The following VMA21 variants were observed in gnomAD, a reference collection of about 807,000 sequenced individuals.
VMA21 encodes vacuolar ATPase assembly integral membrane protein VMA21.
For synonymous variants in VMA21, 47 were observed against 34.1 expected, an observed-to-expected ratio of 1.38 and a Z score of -1.32; for missense variants, 61 against 80.6, an observed-to-expected ratio of 0.76 and a Z score of 0.93.
In VMA21 at chrX:151,408,517, C is replaced by T. The variant is rs191626805; in HGVS notation, c.*3459C>T. The stretch of plus-strand genomic sequence containing the variant: ...TTCAACTCTGACACAGAATTTGTCA[C>T]TTGTCTGAGGTCAGTGGCAGGTTTC... On this transcript the variant is annotated 3_prime_UTR_variant, in exon 3 of 3. Coordinates refer to ENST00000330374, the MANE Select transcript of VMA21 (RefSeq NM_001017980.4). 1 of 112,325 alleles carries T rather than the reference C, an allele frequency of 8.9e-6. No individual in the cohort carries two copies. Among genetic ancestry groups the T allele is most frequent in the Admixed American group, 9.4e-5 (1 of 10,649 alleles). The allele number at this position is 112,325 out of a possible 1,213,427, so 9.3% of individuals were successfully genotyped here. A position where few individuals can be genotyped will look rare whatever the true frequency, so the allele number is the denominator to read the frequency against.
chrX:151,398,279 G>C lies in VMA21; in HGVS notation c.53+918G>C, dbSNP rs141906535. 2.9e-5 allele frequency among the ~76,000 whole-genome samples: 3 copies of C among 105,124 alleles called. No individual in the cohort carries two copies. In the East Asian group the frequency reaches 8.9e-4, roughly 31 times the overall value. 91.3% of individuals were successfully genotyped at this position (105,124 alleles called of 115,157 possible). On this transcript the variant is annotated intron_variant, in intron 1 of 2. Transcript: ENST00000330374. ...GCATGTCACGGGGGCTTGGCGTACA[G>C]GTAATTTTGTCACCCAGGTAATAAG...
chrX:151,396,876 C>T, upstream of VMA21: 3 of 524,426 alleles, frequency 5.7e-6, no homozygotes, highest in Non-Finnish European at 1.0e-5. Flanking sequence ...GCTCAGCGAC[C>T]GAGACGCAGA....
rs1223923963 is a variant in VMA21 at position 151,408,707 on chromosome X, ATAAAT to A, written c.*3652_*3656del. The stretch of plus-strand genomic sequence containing the variant: ...TCAGGGGGAAAGGGTCACCTTAAAA[ATAAAT>A]TATTTTCAGGGACTTTGGGAATCTA... On this transcript the variant is annotated 3_prime_UTR_variant, in exon 3 of 3. Transcript: ENST00000330374. 1.8e-5 allele frequency: 2 copies of A among 112,772 alleles called. No individual in the cohort carries two copies. The highest frequency in any genetic ancestry group is 3.7e-5 in the Non-Finnish European group (2 of 53,391). 9.3% of individuals were successfully genotyped at this position (112,772 alleles called of 1,213,427 possible).
Position 151,397,297 on chromosome X carries a change from C to T in VMA21, c.-12C>T. 1.7e-6 allele frequency: 2 copies of T among 1,157,724 alleles called. No homozygotes were observed. The highest frequency in any genetic ancestry group is 1.9e-5 in the South Asian group (1 of 52,360). On this transcript the variant is annotated 5_prime_UTR_variant, in exon 1 of 3. Coordinates refer to ENST00000330374, the MANE Select transcript of VMA21 (RefSeq NM_001017980.4). ...CTCCGCCGCCGAGCGCCTGTGCCGGCACGGCTACACCATGGAGCGCCCGGA... is the reference window on the plus strand; with the variant it reads ...CTCCGCCGCCGAGCGCCTGTGCCGGTACGGCTACACCATGGAGCGCCCGGA...
chrX:151,399,683 T>G (rs1251094600), intron 1 of VMA21, among the ~76,000 whole-genome samples: 1 of 111,783 alleles, frequency 8.9e-6, no homozygotes, highest in Non-Finnish European at 1.9e-5. Context: ...TTAAGGGAGC[T>G]TATGTATATT....
intron 1 of VMA21, among the ~76,000 whole-genome samples, chrX:151,400,776 T>A (rs1476268827): frequency 1.8e-5 from 2 of 112,276 alleles, no homozygotes; most frequent in Non-Finnish European, 3.8e-5. Context: ...TGGTTTTGAT[T>A]TGCATTTCCC....
At position 151,406,471 on chromosome X, in the gene VMA21, G is replaced by A. The variant is rs2011293429; in HGVS notation, c.*1413G>A. The A allele has an allele frequency of 9.0e-6, 1 of 110,986 alleles. No individual in the cohort carries two copies. The highest frequency in any genetic ancestry group is 1.9e-5 in the Non-Finnish European group (1 of 52,963). The allele number at this position is 110,986 out of a possible 1,213,427, so 9.1% of individuals were successfully genotyped here. ...GGCTCACTGCAACCTCTGCCTCCTG[G>A]GTTCAAGTGATTCTCCACCTCAGCC... On this transcript the variant is annotated 3_prime_UTR_variant, in exon 3 of 3. Coordinates refer to ENST00000330374, the MANE Select transcript of VMA21 (RefSeq NM_001017980.4).
upstream of VMA21, chrX:151,397,111 G>GCGCGGCGCGCCGCGCCGCGC (rs1556034207): frequency 2.9e-6 from 1 of 341,161 alleles, no homozygotes; most frequent in African/African-American, 2.9e-5. Flanking sequence ...CGTCGCTGCG[G>GCGCGGCGCGCCGCGCCGCGC]CGCGCCGCGC....
Position 151,406,532 on chromosome X carries a change from C to T in VMA21, c.*1474C>T, listed in dbSNP as rs191301448. ...CTGGGACTACGGATGCCTGCCACCACGCCTGGCTAATTTTTTTTTGTATTT... is the reference window on the plus strand; with the variant it reads ...CTGGGACTACGGATGCCTGCCACCATGCCTGGCTAATTTTTTTTTGTATTT... On this transcript the variant is annotated 3_prime_UTR_variant, in exon 3 of 3. Coordinates refer to ENST00000330374, the MANE Select transcript of VMA21 (RefSeq NM_001017980.4). The T allele has an allele frequency of 3.6e-5, 4 of 110,577 alleles. No homozygotes were observed. Among genetic ancestry groups the T allele is most frequent in the African/African-American group, 6.6e-5 (2 of 30,402 alleles). The allele number at this position is 110,577 out of a possible 1,213,427, so 9.1% of individuals were successfully genotyped here.
At chrX:151,404,234 C>T (rs1476628050) in intron 2 of VMA21, among the ~76,000 whole-genome samples, 5 of 111,049 alleles carry the variant, frequency 4.5e-5, no homozygotes, top group Admixed American at 3.8e-4. Flanking sequence ...CCACTACACC[C>T]GACTGATTTT....
At chrX:151,397,030 C>G, upstream of VMA21, 1 of 505,208 alleles carries the variant, frequency 2.0e-6, no homozygotes, top group Non-Finnish European at 3.6e-6. Context: ...CCCCTCCTGG[C>G]AGGGCGCACG....
chrX:151,403,096 T>G lies in VMA21; in HGVS notation c.54-535T>G, dbSNP rs1443001309. Among the ~76,000 whole-genome samples, 6 of 111,982 alleles carry G rather than the reference T, an allele frequency of 5.4e-5. No individual in the cohort carries two copies. The South Asian group carries it at 2.3e-3, about 42-fold the overall frequency. On this transcript the variant is annotated intron_variant, in intron 1 of 2. Coordinates refer to ENST00000330374, the MANE Select transcript of VMA21 (RefSeq NM_001017980.4). ...AGGGTGCACAGGTGTGTCTGCCTCG[T>G]TAGTTCCCTGGTCCACTGTCTCATG...
chrX:151,398,321 C>CA (rs147858588), intron 1 of VMA21, among the ~76,000 whole-genome samples: 39,710 of 107,690 alleles, frequency 0.37, 6,750 homozygotes, highest in Non-Finnish European at 0.53. Flanking sequence ...ACCCGATAGG[C>CA]GTTTTTTCTG....
chrX:151,397,103 T>TCGCTGCGGCGCGCCGCGCCGCGC (rs2011196888), upstream of VMA21: 1 of 356,042 alleles, frequency 2.8e-6, no homozygotes, highest in African/African-American at 2.9e-5. Context: ...CAGCCCTGCG[T>TCGCTGCGGCGCGCCGCGCCGCGC]CGCTGCGGCG....
rs2011293734 is a variant in VMA21, at chrX:151,406,499, C to G, written c.*1441C>G. 1 of 111,166 alleles carries G rather than the reference C, an allele frequency of 9.0e-6. No individual in the cohort carries two copies. Among genetic ancestry groups the G allele is most frequent in the Admixed American group, 9.6e-5 (1 of 10,449 alleles). 9.2% of individuals were successfully genotyped at this position (111,166 alleles called of 1,213,427 possible). A position where few individuals can be genotyped will look rare whatever the true frequency, so the allele number is the denominator to read the frequency against. ...TCAAGTGATTCTCCACCTCAGCCTC[C>G]CAAGTAGCTGGGACTACGGATGCCT... is the stretch of plus-strand genomic sequence containing the variant. On this transcript the variant is annotated 3_prime_UTR_variant, in exon 3 of 3. Transcript: ENST00000330374.
At position 151,405,192 on chromosome X, in the gene VMA21, T is replaced by G; in HGVS notation, c.*134T>G. The G allele has an allele frequency of 2.6e-6, 2 of 758,322 alleles. No homozygotes were observed. The highest frequency in any genetic ancestry group is 6.3e-5 in the Admixed American group (2 of 31,866). The allele number at this position is 758,322 out of a possible 1,213,427, so 62.5% of individuals were successfully genotyped here. The stretch of plus-strand genomic sequence containing the variant: ...AAGGAGTCACGTTTGAGTATGTAAA[T>G]TTTGATCTTTCTAATATGTTGGTTT... On this transcript the variant is annotated 3_prime_UTR_variant, in exon 3 of 3. Transcript: ENST00000330374.
At chrX:151,399,335 A>AT (rs1345523979) in intron 1 of VMA21, among the ~76,000 whole-genome samples, 12 of 112,072 alleles carry the variant, frequency 1.1e-4, no homozygotes, top group Non-Finnish European at 2.1e-4. Context: ...ACTTTAAAAC[A>AT]TTTTTATGGT....
In VMA21 at chrX:151,403,746, C is replaced by A. The variant is rs755166065; in HGVS notation, c.163+6C>A. 8.7e-7 allele frequency: 1 copy of A among 1,148,752 alleles called. No individual in the cohort carries two copies. The highest frequency in any genetic ancestry group is 1.8e-5 in the South Asian group (1 of 55,577). 94.7% of individuals were successfully genotyped at this position (1,148,752 alleles called of 1,213,427 possible). ...TAAATCTTACATATTTGAAGGTAAT[C>A]TTAGACCCATTAAAACAAGATGTTT... is the stretch of plus-strand genomic sequence containing the variant. On this transcript the variant is annotated splice_donor_region_variant and intron_variant, in intron 2 of 2. Coordinates refer to ENST00000330374, the MANE Select transcript of VMA21 (RefSeq NM_001017980.4).
Position 151,405,328 on chromosome X carries a change from C to G in VMA21, c.*270C>G, listed in dbSNP as rs971436785. 7.0e-6 allele frequency: 2 copies of G among 284,512 alleles called. No individual in the cohort carries two copies. Among genetic ancestry groups the G allele is most frequent in the African/African-American group, 5.6e-5 (2 of 35,779 alleles). The allele number at this position is 284,512 out of a possible 1,213,427, so 23.4% of individuals were successfully genotyped here. A position where few individuals can be genotyped will look rare whatever the true frequency, so the allele number is the denominator to read the frequency against. On this transcript the variant is annotated 3_prime_UTR_variant, in exon 3 of 3. Coordinates refer to ENST00000330374, the MANE Select transcript of VMA21 (RefSeq NM_001017980.4). ...GACAATACTCTGGAAGGAATTTTAT[C>G]TTCTTTCAACAAAACATGTTTTATA...
Sources: gnomAD v4.1 joint callset for allele counts (sites outside exome capture counted in the v4.1 genomes callset) on GRCh38, gnomAD v4.1.1 for gene constraint, MANE v1.5 for transcripts, NCBI Gene and HGNC (gene_info 2026-07-23, HGNC 2026-07-21) for gene names.